Variants in LRMDA observed in about 807,000 individuals in gnomAD.
LRMDA encodes the protein leucine rich melanocyte differentiation associated.
In LRMDA, 18 loss-of-function variants were observed where a neutral mutation model predicts 29.8. That is an observed-to-expected ratio of 0.60 (90% CI 0.42 to 0.90). The LOEUF is 0.90. Among genes scored for constraint, LRMDA ranks in the 40% least tolerant of loss-of-function variants. The pLI, the probability that LRMDA is intolerant of heterozygous loss-of-function variation, is 0.00. For missense variants in LRMDA, 273 were observed against 273.9 expected (o/e 1.00, Z 0.02); for synonymous variants, 125 against 109.4 (o/e 1.14, Z -0.89).
At chr10:76,355,675 G>A (rs956682424) in intron 6 of LRMDA, among the ~76,000 whole-genome samples, 7 of 152,166 alleles carry the variant, frequency 4.6e-5, no homozygotes, top group Non-Finnish European at 8.8e-5. Context: ...ATTTGGTTGA[G>A]GGGCTGAGTC....
intron 6 of LRMDA, among the ~76,000 whole-genome samples, chr10:76,523,245 C>T (rs1477192516): frequency 1.3e-5 from 2 of 152,126 alleles, no homozygotes; most frequent in Non-Finnish European, 2.9e-5. Flanking sequence ...CCGACCTGAG[C>T]TCACGCAGAC....
intron 5 of LRMDA, among the ~76,000 whole-genome samples, chr10:76,267,490 C>T (rs1440173207): frequency 1.3e-5 from 2 of 152,156 alleles, no homozygotes; most frequent in African/African-American, 4.8e-5. Context: ...TATTTCTCCA[C>T]TTTCCAGCCC....
At chr10:75,686,461 GGCT>G (rs1280707214) in intron 2 of LRMDA, among the ~76,000 whole-genome samples, 2 of 152,158 alleles carry the variant, frequency 1.3e-5, no homozygotes, top group Non-Finnish European at 2.9e-5. Context: ...CTGACTTAAT[GGCT>G]GTCTTCCCAA....
chr10:75,630,752 C>G (rs1015277191), intron 2 of LRMDA, among the ~76,000 whole-genome samples: 10 of 152,230 alleles, frequency 6.6e-5, no homozygotes, highest in Admixed American at 6.5e-5. Context: ...GCAGTCTTCT[C>G]TTCATTTCTC....
At chr10:75,516,034 T>G (rs1347899890) in intron 2 of LRMDA, among the ~76,000 whole-genome samples, 3 of 152,264 alleles carry the variant, frequency 2.0e-5, no homozygotes, top group African/African-American at 4.8e-5. Context: ...AGACATGAAC[T>G]CATCCTTTTT....
At position 75,846,175 on chromosome 10, in the gene LRMDA, GTT is replaced by G. The variant is rs1491505030; in HGVS notation, c.132-189831_132-189830del. On this transcript the variant is annotated intron_variant, in intron 2 of 6. Coordinates refer to ENST00000611255, the MANE Select transcript of LRMDA (RefSeq NM_001305581.2). ...GCTTTTGTTACTTATTTGTGTGTGT[GTT>G]TGTGTGTGTGTGTGTGTGTGTGTGT... 7.3e-3 allele frequency among the ~76,000 whole-genome samples: 874 copies of G among 119,442 alleles called. 15 individuals are homozygous for G. Among genetic ancestry groups the G allele is most frequent in the African/African-American group, 0.031 (847 of 27,040 alleles). 78.4% of individuals were successfully genotyped at this position (119,442 alleles called of 152,430 possible).
chr10:75,644,041 C>T (rs528530411), intron 2 of LRMDA, among the ~76,000 whole-genome samples: 234 of 152,162 alleles, frequency 1.5e-3, no homozygotes, highest in African/African-American at 5.0e-3. Flanking sequence ...GTTAAATGTT[C>T]GAGACATGGG....
intron 6 of LRMDA, among the ~76,000 whole-genome samples, chr10:76,352,924 C>A (rs1177928978): frequency 2.6e-5 from 4 of 152,012 alleles, no homozygotes; most frequent in Non-Finnish European, 5.9e-5. Flanking sequence ...GGGCCATATC[C>A]ACTTTTGGTA....
At chr10:76,220,651 T>C (rs1445561483) in intron 5 of LRMDA, among the ~76,000 whole-genome samples, 1 of 151,350 alleles carries the variant, frequency 6.6e-6, no homozygotes, top group Non-Finnish European at 1.5e-5. Context: ...CCAAAAAGAG[T>C]CCAGGACCAG....
chr10:76,353,329 G>GTT (rs977583073), intron 6 of LRMDA, among the ~76,000 whole-genome samples: 1 of 108,202 alleles, frequency 9.2e-6, no homozygotes, highest in African/African-American at 2.8e-5. Context: ...GAGCTGTGGA[G>GTT]TTGTGTGTGT....
intron 6 of LRMDA, among the ~76,000 whole-genome samples, chr10:76,357,053 T>C (rs1173630010): frequency 6.6e-6 from 1 of 152,076 alleles, no homozygotes; most frequent in Non-Finnish European, 1.5e-5. Flanking sequence ...AATTGGCAAG[T>C]GCAAAACAAA....
chr10:76,050,686 T>A (rs1488800455), intron 4 of LRMDA, among the ~76,000 whole-genome samples: 2 of 152,216 alleles, frequency 1.3e-5, no homozygotes, highest in Non-Finnish European at 1.5e-5. Context: ...GAGACCACCA[T>A]GCTACTGAGA....
chr10:75,601,584 C>T (rs886711345), intron 2 of LRMDA, among the ~76,000 whole-genome samples: 2 of 151,938 alleles, frequency 1.3e-5, no homozygotes, highest in African/African-American at 4.8e-5. Context: ...TTTTTATATA[C>T]AAAAATAGAA....
At chr10:75,947,005 T>A (rs1031926178) in intron 2 of LRMDA, among the ~76,000 whole-genome samples, 1 of 152,164 alleles carries the variant, frequency 6.6e-6, no homozygotes, top group African/African-American at 2.4e-5. Flanking sequence ...CAGAGACACA[T>A]CTGGAACTCA....
intron 4 of LRMDA, among the ~76,000 whole-genome samples, chr10:76,049,337 T>C (rs1362568109): frequency 6.6e-6 from 1 of 152,178 alleles, no homozygotes; most frequent in African/African-American, 2.4e-5. Flanking sequence ...TAGTCAAAAT[T>C]AACTTAGAAA....
At chr10:76,152,055 A>C (rs1220450327) in intron 5 of LRMDA, among the ~76,000 whole-genome samples, 1 of 152,206 alleles carries the variant, frequency 6.6e-6, no homozygotes, top group Non-Finnish European at 1.5e-5. Context: ...TTCGTTTTTA[A>C]GTATCCAATT....
chr10:75,874,362 A>T (rs921530607), intron 2 of LRMDA, among the ~76,000 whole-genome samples: 2 of 152,216 alleles, frequency 1.3e-5, no homozygotes, highest in Non-Finnish European at 2.9e-5. Context: ...GTGCCATCAC[A>T]TTCTCAGAAA....
At chr10:75,730,473 T>A (rs754363106) in intron 2 of LRMDA, among the ~76,000 whole-genome samples, 3 of 152,146 alleles carry the variant, frequency 2.0e-5, no homozygotes. Flanking sequence ...CTGAGGACTT[T>A]TAAGGTCAGA....
chr10:75,588,552 C>G (rs1040043223), intron 2 of LRMDA, among the ~76,000 whole-genome samples: 7 of 152,138 alleles, frequency 4.6e-5, no homozygotes, highest in Admixed American at 3.3e-4. Context: ...GCATGCAGGT[C>G]TAACTCAATT....
Sources: gnomAD v4.1 joint callset for allele counts (sites outside exome capture counted in the v4.1 genomes callset) on GRCh38, gnomAD v4.1.1 for gene constraint, MANE v1.5 for transcripts, NCBI Gene and HGNC (gene_info 2026-07-23, HGNC 2026-07-21) for gene names.